Variants in VAV1 observed in about 807,000 individuals in gnomAD.
The protein encoded by VAV1 is vav guanine nucleotide exchange factor 1.
Under a neutral mutation model 128.1 loss-of-function variants are expected in VAV1, and 33 were observed. The ratio of observed to expected loss-of-function variants is 0.26; its 90% CI spans 0.20 to 0.34. VAV1 has a LOEUF of 0.34. Among genes scored for constraint, VAV1 ranks in the 10% least tolerant of loss-of-function variants. VAV1 has a pLI of 1.00. For missense variants in VAV1, 715 were observed against 1,093.7 expected (o/e 0.65, Z 4.88); for synonymous variants, 394 against 409.8 (o/e 0.96, Z 0.47).
chr19:6,833,708 T>C lies in VAV1; in HGVS notation c.1709-3T>C. On this transcript the variant is annotated splice_region_variant and splice_polypyrimidine_tract_variant and intron_variant, in intron 17 of 26. Transcript: ENST00000602142. ...TCTCACCATTTCCTTTACCCTCCCG[T>C]AGATTTCCCAGGAACTATGAAGAAG... 1 of 1,614,158 alleles carries C rather than the reference T, an allele frequency of 6.2e-7. No individual in the cohort carries two copies. Among genetic ancestry groups the C allele is most frequent in the Non-Finnish European group, 8.5e-7 (1 of 1,180,030 alleles).
At chr19:6,809,132 G>A (rs1971461478) in intron 1 of VAV1, among the ~76,000 whole-genome samples, 1 of 151,596 alleles carries the variant, frequency 6.6e-6, no homozygotes, top group African/African-American at 2.4e-5. Context: ...CCAAGCTGGG[G>A]TGCAGTGACT....
intron 6 of VAV1, among the ~76,000 whole-genome samples, chr19:6,823,984 C>A (rs1971855698): frequency 6.6e-6 from 1 of 151,842 alleles, no homozygotes; most frequent in Admixed American, 6.6e-5. Context: ...CCCATCCAGG[C>A]TGGAGTGCAG....
chr19:6,795,850 A>T (rs1176343258), intron 1 of VAV1, among the ~76,000 whole-genome samples: 3 of 151,972 alleles, frequency 2.0e-5, no homozygotes, highest in Non-Finnish European at 4.4e-5. Context: ...CGCCCAGCTA[A>T]TTTTTGTTAT....
intron 1 of VAV1, among the ~76,000 whole-genome samples, chr19:6,811,983 A>C (rs959897463): frequency 6.6e-6 from 1 of 152,104 alleles, no homozygotes; most frequent in Non-Finnish European, 1.5e-5. Flanking sequence ...AAATAGGGAG[A>C]GAGGAGGTAT....
chr19:6,810,425 C>T (rs9653131), intron 1 of VAV1, among the ~76,000 whole-genome samples: 11,589 of 152,128 alleles, frequency 0.076, 1,220 homozygotes, highest in African/African-American at 0.24. Flanking sequence ...CTAACTTGGC[C>T]GGGCACAGTG....
intron 21 of VAV1, among the ~76,000 whole-genome samples, chr19:6,838,836 C>T (rs1777812963): frequency 6.6e-6 from 1 of 152,090 alleles, no homozygotes; most frequent in Non-Finnish European, 1.5e-5. Context: ...TCAAGCAATC[C>T]TCCCACCTCA....
intron 22 of VAV1, among the ~76,000 whole-genome samples, chr19:6,845,093 A>C (rs893625026): frequency 6.6e-6 from 1 of 152,102 alleles, no homozygotes. Flanking sequence ...AATTGAGGTG[A>C]AATTCGGCTG....
In VAV1 at chr19:6,829,119, T is replaced by G. The variant is rs1318124522; in HGVS notation, c.1265+219T>G. 1.0e-4 allele frequency among the ~76,000 whole-genome samples: 14 copies of G among 135,576 alleles called. 1 individual carries two copies. The highest frequency in any genetic ancestry group is 6.2e-4 in the Admixed American group (8 of 12,996). 88.9% of individuals were successfully genotyped at this position (135,576 alleles called of 152,430 possible). On this transcript the variant is annotated intron_variant, in intron 13 of 26. Transcript: ENST00000602142. Reference sequence around the variant, plus strand: ...CTTCTAGATAGGCAGATGGGTGGAGTCAACACAGATCTGGGAGGAGCCTGG... The same window carrying G: ...CTTCTAGATAGGCAGATGGGTGGAGGCAACACAGATCTGGGAGGAGCCTGG...
At chr19:6,838,357 A>G (rs1300351220) in intron 21 of VAV1, among the ~76,000 whole-genome samples, 1 of 151,398 alleles carries the variant, frequency 6.6e-6, no homozygotes, top group Admixed American at 6.6e-5. Flanking sequence ...CCATGTACCT[A>G]CCCATCAATC....
rs757315975 is a variant in VAV1 at position 6,821,780 on chromosome 19, T to C, written c.381-11T>C. On this transcript the variant is annotated splice_polypyrimidine_tract_variant and intron_variant, in intron 3 of 26. Transcript: ENST00000602142. ...CCCAGGCCCCTGGCTCACACCCTCCTGACCCCCCAGGCCCTTCCCCACCGA... is the reference window on the plus strand; with the variant it reads ...CCCAGGCCCCTGGCTCACACCCTCCCGACCCCCCAGGCCCTTCCCCACCGA... The C allele has an allele frequency of 1.2e-6, 2 of 1,613,878 alleles. No homozygotes were observed. Among genetic ancestry groups the C allele is most frequent in the East Asian group, 4.5e-5 (2 of 44,866 alleles).
chr19:6,835,647 T>C (rs1972203405), intron 19 of VAV1, among the ~76,000 whole-genome samples: 2 of 152,226 alleles, frequency 1.3e-5, no homozygotes, highest in Admixed American at 6.5e-5. Flanking sequence ...GCTTATTTCA[T>C]CTGGTTTCTT....
At chr19:6,774,809 C>T (rs1002770851) in intron 1 of VAV1, among the ~76,000 whole-genome samples, 1 of 151,804 alleles carries the variant, frequency 6.6e-6, no homozygotes, top group African/African-American at 2.4e-5. Context: ...GGCTGGAATG[C>T]GGTGGTGCAA....
intron 1 of VAV1, 82 bp downstream of exon 1, chr19:6,773,093 G>C: frequency 7.1e-6 from 11 of 1,545,032 alleles, no homozygotes; most frequent in Non-Finnish European, 8.9e-6. Context: ...CTGACGTGCT[G>C]CTCCACCTCT....
chr19:6,851,713 AC>A (rs970896151), intron 24 of VAV1, among the ~76,000 whole-genome samples: 10 of 152,072 alleles, frequency 6.6e-5, no homozygotes, highest in African/African-American at 2.4e-4. Flanking sequence ...CATATTTTAG[AC>A]ACTTTAGGCC....
chr19:6,798,582 A>G (rs112215869), intron 1 of VAV1, among the ~76,000 whole-genome samples: 9,540 of 152,062 alleles, frequency 0.063, 972 homozygotes, highest in African/African-American at 0.22. Flanking sequence ...GAACCCAGGA[A>G]GTCGAGGCTG....
At chr19:6,848,755 T>A (rs1972590227) in intron 23 of VAV1, among the ~76,000 whole-genome samples, 1 of 151,648 alleles carries the variant, frequency 6.6e-6, no homozygotes, top group African/African-American at 2.4e-5. Flanking sequence ...TCTTTTTTTT[T>A]AACTTCCAGG....
intron 1 of VAV1, among the ~76,000 whole-genome samples, chr19:6,807,989 CAAAAA>C (rs980612666): frequency 3.8e-5 from 2 of 52,292 alleles, no homozygotes; most frequent in East Asian, 6.4e-4. Flanking sequence ...GACTCTGTCT[CAAAAA>C]AAAAAAAAAA....
At chr19:6,791,577 C>T (rs755852823) in intron 1 of VAV1, among the ~76,000 whole-genome samples, 1 of 152,234 alleles carries the variant, frequency 6.6e-6, no homozygotes, top group Non-Finnish European at 1.5e-5. Context: ...TCTCAAGATC[C>T]TTACCTTACA....
At chr19:6,798,585 C>T (rs982742598) in intron 1 of VAV1, among the ~76,000 whole-genome samples, 17 of 151,990 alleles carry the variant, frequency 1.1e-4, no homozygotes, top group Non-Finnish European at 1.9e-4. Flanking sequence ...CCCAGGAAGT[C>T]GAGGCTGCAG....
Sources: gnomAD v4.1 joint callset for allele counts (sites outside exome capture counted in the v4.1 genomes callset) on GRCh38, gnomAD v4.1.1 for gene constraint, MANE v1.5 for transcripts, NCBI Gene and HGNC (gene_info 2026-07-23, HGNC 2026-07-21) for gene names.